MED27: variants seen among roughly 807,000 people sequenced by gnomAD.
The protein encoded by MED27 is mediator complex subunit 27, also known as mediator of RNA polymerase II transcription subunit 27.
In MED27, 30 loss-of-function variants were observed where a neutral mutation model predicts 38.2. The observed-to-expected ratio is 0.79, with a 90% CI of 0.59 to 1.07. MED27 has a LOEUF of 1.07. MED27 is among the 50% of genes least tolerant of loss of function. The pLI, the probability that MED27 is intolerant of heterozygous loss-of-function variation, is 0.00. For synonymous variants in MED27, 122 were observed against 153.5 expected (o/e 0.79, Z 1.52); for missense variants, 289 against 397.5 (o/e 0.73, Z 2.32).
At chr9:131,891,675 G>C (rs1398381131) in intron 5 of MED27, among the ~76,000 whole-genome samples, 2 of 152,096 alleles carry the variant, frequency 1.3e-5, no homozygotes, top group African/African-American at 4.8e-5. Flanking sequence ...GCTGCTTTGG[G>C]CAAGGGGGAG....
chr9:131,880,593 T>C (rs995525357), intron 6 of MED27, among the ~76,000 whole-genome samples: 11 of 152,176 alleles, frequency 7.2e-5, no homozygotes, highest in Admixed American at 3.9e-4. Context: ...TGAGATAAAA[T>C]TCCCATCCCT....
chr9:131,965,913 T>C (rs573933845), intron 3 of MED27, among the ~76,000 whole-genome samples: 1 of 151,320 alleles, frequency 6.6e-6, no homozygotes, highest in East Asian at 1.9e-4. Flanking sequence ...TTTTTCAGAG[T>C]ATTGTTTTGC....
chr9:131,920,794 G>A (rs552487631), intron 4 of MED27, among the ~76,000 whole-genome samples: 4 of 152,180 alleles, frequency 2.6e-5, no homozygotes, highest in African/African-American at 7.2e-5. Context: ...GGGGAGAGGG[G>A]GTGGAGTCAG....
intron 3 of MED27, among the ~76,000 whole-genome samples, chr9:131,957,305 T>G (rs1048037551): frequency 2.6e-5 from 4 of 151,384 alleles, no homozygotes; most frequent in Non-Finnish European, 4.4e-5. Flanking sequence ...CAGGCTGGAG[T>G]GTGCGGTGAT....
intron 3 of MED27, among the ~76,000 whole-genome samples, chr9:132,012,210 A>G (rs1832500196): frequency 6.6e-6 from 1 of 152,244 alleles, no homozygotes; most frequent in African/African-American, 2.4e-5. Flanking sequence ...CAATCCATGC[A>G]GGGAAAATGA....
At chr9:132,063,625 A>C (rs1170691566) in intron 2 of MED27, among the ~76,000 whole-genome samples, 1 of 152,210 alleles carries the variant, frequency 6.6e-6, no homozygotes, top group Non-Finnish European at 1.5e-5. Context: ...GGATAGGGGA[A>C]TGTTGGCCTC....
intron 3 of MED27, among the ~76,000 whole-genome samples, chr9:131,988,699 C>T (rs1223400910): frequency 1.3e-5 from 2 of 152,122 alleles, no homozygotes; most frequent in Non-Finnish European, 2.9e-5. Flanking sequence ...CCAGGCTGGT[C>T]TCTAACTCCT....
intron 4 of MED27, among the ~76,000 whole-genome samples, chr9:131,933,324 T>C (rs918523505): frequency 2.0e-5 from 3 of 152,112 alleles, no homozygotes; most frequent in Non-Finnish European, 4.4e-5. Context: ...CAAATTATCC[T>C]TGTTAGCAGA....
chr9:132,068,891 C>A (rs970249240), intron 2 of MED27, among the ~76,000 whole-genome samples: 7 of 152,138 alleles, frequency 4.6e-5, no homozygotes, highest in Non-Finnish European at 7.4e-5. Flanking sequence ...TGAGATGGCC[C>A]AGAGAAGGGA....
chr9:132,011,919 T>G (rs1416138795), intron 3 of MED27, among the ~76,000 whole-genome samples: 1 of 151,060 alleles, frequency 6.6e-6, no homozygotes, highest in African/African-American at 2.4e-5. Flanking sequence ...TATTATAAAT[T>G]TATAATGACA....
At chr9:131,996,408 C>T (rs770891204) in intron 3 of MED27, among the ~76,000 whole-genome samples, 1 of 152,214 alleles carries the variant, frequency 6.6e-6, no homozygotes, top group Non-Finnish European at 1.5e-5. Flanking sequence ...TAAGGGTGAG[C>T]CAAATCTGGA....
rs1384782746 is a variant in MED27, at chr9:131,888,742, T to C, written c.682-4643A>G. On this transcript the variant is annotated intron_variant, in intron 5 of 7. Transcript: ENST00000292035. ...GTAGAATGCTGCAAACCAGCTATGG[T>C]GACGGATCTCTCCATGTTGTTACCC... Among the ~76,000 whole-genome samples the C allele has an allele frequency of 2.6e-5, 4 of 152,332 alleles. No homozygotes were observed. In the East Asian group the frequency reaches 7.7e-4, roughly 29 times the overall value.
chr9:131,902,920 T>A (rs1829978705), intron 4 of MED27, among the ~76,000 whole-genome samples: 1 of 152,138 alleles, frequency 6.6e-6, no homozygotes, highest in Non-Finnish European at 1.5e-5. Flanking sequence ...TGCATTTGTG[T>A]CTTGGCTCTG....
chr9:131,984,019 C>T (rs187852586), intron 3 of MED27, among the ~76,000 whole-genome samples: 180 of 152,240 alleles, frequency 1.2e-3, no homozygotes, highest in Middle Eastern at 6.8e-3. Flanking sequence ...TTGGTGTTCA[C>T]GGCCTCAACT....
rs945370760 is a variant in MED27 at position 131,861,156 on chromosome 9, T to C, written c.802-484A>G. ...CTTCTAGCTAATCTGATTTCAGAGG[T>C]TGTCACTCATTGTCACAGTGTGGCC... is the stretch of plus-strand genomic sequence containing the variant. On this transcript the variant is annotated intron_variant, in intron 7 of 7. Transcript: ENST00000292035. The surrounding 1 kb of genome is among the most constrained non-coding windows in gnomAD (Gnocchi z 4.4). Among the ~76,000 whole-genome samples, 1 of 151,990 alleles carries C rather than the reference T, an allele frequency of 6.6e-6. No individual in the cohort carries two copies. Among genetic ancestry groups the C allele is most frequent in the Admixed American group, 6.6e-5 (1 of 15,264 alleles).
intron 4 of MED27, 134 bp from the exon 5 acceptor site, chr9:131,894,126 A>G: frequency 1.6e-6 from 1 of 634,202 alleles, no homozygotes; most frequent in East Asian, 2.7e-5. Context: ...ATCCTCCAGC[A>G]CTGGAAAATG....
chr9:131,959,144 G>T (rs562640332), intron 3 of MED27, among the ~76,000 whole-genome samples: 268 of 152,288 alleles, frequency 1.8e-3, no homozygotes, highest in Middle Eastern at 0.01. Flanking sequence ...GAAATCAGGC[G>T]TCCAACTGCC....
intron 2 of MED27, among the ~76,000 whole-genome samples, chr9:132,062,830 C>T (rs1000006118): frequency 2.0e-5 from 3 of 151,868 alleles, no homozygotes; most frequent in Non-Finnish European, 4.4e-5. Context: ...ACTATGTTGC[C>T]GAGATTGGTC....
chr9:132,064,009 A>G (rs1833753810), intron 2 of MED27, among the ~76,000 whole-genome samples: 2 of 152,364 alleles, frequency 1.3e-5, no homozygotes, highest in African/African-American at 4.8e-5. Flanking sequence ...TGGTCACTTC[A>G]TCATTTTCTC....
Sources: gnomAD v4.1 joint callset for allele counts (sites outside exome capture counted in the v4.1 genomes callset) on GRCh38, gnomAD v4.1.1 for gene constraint, Gnocchi (gnomAD v3.1) non-coding constraint, MANE v1.5 for transcripts, NCBI Gene and HGNC (gene_info 2026-07-23, HGNC 2026-07-21) for gene names.